Variants in COL4A2 observed in about 807,000 individuals in gnomAD.
COL4A2 encodes collagen type IV alpha 2 chain.
COL4A2 carries 99 observed loss-of-function variants against 200.2 expected under a neutral mutation model. That is an observed-to-expected ratio of 0.49 (90% CI 0.42 to 0.58). The LOEUF (loss-of-function observed/expected upper bound fraction) is 0.58. Among genes scored for constraint, COL4A2 ranks in the 20% least tolerant of loss-of-function variants. The pLI is 0.00. For missense variants in COL4A2, 1,950 were observed against 2,314.1 expected (o/e 0.84, Z 3.23); for synonymous variants, 897 against 900.6 (o/e 1.00, Z 0.07).
chr13:110,423,308 A>T (rs1174607717), intron 4 of COL4A2, among the ~76,000 whole-genome samples: 1 of 152,112 alleles, frequency 6.6e-6, no homozygotes, highest in East Asian at 1.9e-4. Context: ...ATTTATTTTT[A>T]ATTTTTTTAA....
At chr13:110,395,681 A>G (rs917578005) in intron 4 of COL4A2, among the ~76,000 whole-genome samples, 2 of 152,250 alleles carry the variant, frequency 1.3e-5, no homozygotes, top group African/African-American at 4.8e-5. Context: ...GCAGTGGCTC[A>G]TGCCTGTAAT....
intron 47 of COL4A2, among the ~76,000 whole-genome samples, chr13:110,509,740 G>A (rs1467148701): frequency 2.8e-4 from 42 of 152,098 alleles, no homozygotes; most frequent in Non-Finnish European, 7.3e-5. Flanking sequence ...CTCTGCACAC[G>A]TAACTCTCTG....
intron 7 of COL4A2, 134 bp from the exon 8 acceptor site, chr13:110,429,751 C>A: frequency 1.3e-6 from 1 of 757,464 alleles, no homozygotes. Context: ...TCAGAATAAC[C>A]CCCATCAGCC....
At chr13:110,324,605 A>T (rs1885358530) in intron 3 of COL4A2, among the ~76,000 whole-genome samples, 1 of 152,214 alleles carries the variant, frequency 6.6e-6, no homozygotes, top group African/African-American at 2.4e-5. Flanking sequence ...GATTTGGATC[A>T]GGCAGGTCTG....
chr13:110,408,667 CAGAG>C (rs1247479797), intron 4 of COL4A2, among the ~76,000 whole-genome samples: 2 of 152,174 alleles, frequency 1.3e-5, no homozygotes, highest in Admixed American at 6.5e-5. Context: ...GGCGTGGACA[CAGAG>C]AGAAAGCGCC....
At chr13:110,505,118 A>AAGCG (rs1883800029) in intron 45 of COL4A2, among the ~76,000 whole-genome samples, 1 of 151,772 alleles carries the variant, frequency 6.6e-6, no homozygotes, top group Non-Finnish European at 1.5e-5. Context: ...TGGGAGGCTG[A>AAGCG]GGTGGGCGGA....
intron 13 of COL4A2, 149 bp from the exon 14 acceptor site, chr13:110,437,853 A>C (rs2139466034): frequency 2.9e-6 from 2 of 698,300 alleles, no homozygotes; most frequent in East Asian, 5.3e-5. Context: ...GAAGCTGCAA[A>C]ATTTAAGAGT....
chr13:110,379,467 G>A (rs1169893357), intron 4 of COL4A2, among the ~76,000 whole-genome samples: 1 of 152,222 alleles, frequency 6.6e-6, no homozygotes, highest in East Asian at 1.9e-4. Context: ...AGTTCCTACT[G>A]TGTGTCAGGC....
intron 4 of COL4A2, among the ~76,000 whole-genome samples, chr13:110,423,502 G>A (rs72657919): frequency 0.083 from 12,700 of 152,150 alleles, 608 homozygotes; most frequent in African/African-American, 0.14. Flanking sequence ...TAACACCTAG[G>A]TGATGGGTTG....
intron 25 of COL4A2, 122 bp from the exon 26 acceptor site, chr13:110,465,881 G>A: frequency 8.0e-7 from 1 of 1,246,304 alleles, no homozygotes; most frequent in Non-Finnish European, 1.1e-6. Flanking sequence ...CCATTTCAAA[G>A]CCTTCCTGCC....
intron 39 of COL4A2, among the ~76,000 whole-genome samples, chr13:110,493,546 T>C (rs1208686329): frequency 3.9e-5 from 6 of 152,056 alleles, no homozygotes; most frequent in Non-Finnish European, 5.9e-5. Context: ...GAGAGAGAAA[T>C]AGAGTCCTTG....
Position 110,508,264 on chromosome 13 carries a change from C to T in COL4A2, c.4881+43C>T. The T allele has an allele frequency of 1.9e-6, 3 of 1,599,808 alleles. No individual in the cohort carries two copies. The highest frequency in any genetic ancestry group is 2.6e-6 in the Non-Finnish European group (3 of 1,170,444). ...AGTTCCCCTCCCCAACCACACCCTG[C>T]TGGGGACACAGCAAGAACAGCTGCC... On this transcript the variant is annotated intron_variant, in intron 47 of 47. Coordinates refer to ENST00000360467, the MANE Select transcript of COL4A2 (RefSeq NM_001846.4). This position sits in a 1 kb window ranked among gnomAD's most constrained non-coding sequence, Gnocchi z 6.1.
At chr13:110,451,760 C>G (rs1332322657) in intron 20 of COL4A2, among the ~76,000 whole-genome samples, 3 of 152,220 alleles carry the variant, frequency 2.0e-5, no homozygotes, top group African/African-American at 7.2e-5. Flanking sequence ...AACCGTATCA[C>G]CAGCTAACAT....
At chr13:110,346,997 C>T (rs1429007431) in intron 3 of COL4A2, among the ~76,000 whole-genome samples, 2 of 152,222 alleles carry the variant, frequency 1.3e-5, no homozygotes. Flanking sequence ...CTCCGCATGC[C>T]GGGCCCGTGT....
chr13:110,328,376 T>A (rs535301234), intron 3 of COL4A2: 1 of 152,330 alleles, frequency 6.6e-6, no homozygotes, highest in South Asian at 2.1e-4. Context: ...TTAGGAATAT[T>A]TTCCACTCTG....
chr13:110,462,113 G>A lies in COL4A2; in HGVS notation c.1597-1G>A, dbSNP rs745376502. 4 of 1,614,134 alleles carry A rather than the reference G, an allele frequency of 2.5e-6. No homozygotes were observed. Among genetic ancestry groups the A allele is most frequent in the South Asian group, 1.1e-5 (1 of 91,094 alleles). On this transcript the variant is annotated splice_acceptor_variant, in intron 22 of 47. Coordinates refer to ENST00000360467, the MANE Select transcript of COL4A2 (RefSeq NM_001846.4). LOFTEE classifies it high-confidence loss of function. ...GATATTTTTTTGTCTGTTTTCCACA[G>A]GGAGTGCCTGGCAACATTGGTGCTC...
At position 110,512,282 on chromosome 13, in the gene COL4A2, A is replaced by T. The variant is rs550687295; in HGVS notation, c.*91A>T. ...CAAAAATTGGTTTTATTTTTTTCTT[A>T]AAAAAAAAAAAGTCTACCAAAGGAA... On this transcript the variant is annotated 3_prime_UTR_variant, in exon 48 of 48. Transcript: ENST00000360467. The T allele has an allele frequency of 1.6e-4, 16 of 99,044 alleles. No individual in the cohort carries two copies. Among genetic ancestry groups the T allele is most frequent in the East Asian group, 1.6e-3 (10 of 6,322 alleles). The allele number at this position is 99,044 out of a possible 1,614,324, so 6.1% of individuals were successfully genotyped here.
Position 110,386,246 on chromosome 13 carries a change from T to C in COL4A2, c.180+28694T>C, listed in dbSNP as rs138903761. On this transcript the variant is annotated intron_variant, in intron 4 of 47. Transcript: ENST00000360467. ...GTGTAGAGTGTTGAGAAACGCTAAG[T>C]AGCTTTCAGCCTCCCTGACTGCACC... Among the ~76,000 whole-genome samples, 76 of 152,308 alleles carry C rather than the reference T, an allele frequency of 5.0e-4. 1 individual carries two copies. Among genetic ancestry groups the C allele is most frequent in the Non-Finnish European group, 9.3e-4 (63 of 68,022 alleles).
At chr13:110,371,819 C>T (rs1446182409) in intron 4 of COL4A2, among the ~76,000 whole-genome samples, 1 of 152,160 alleles carries the variant, frequency 6.6e-6, no homozygotes, top group African/African-American at 2.4e-5. Flanking sequence ...TGGGGTCTGA[C>T]GTTGGCCGTG....
Sources: gnomAD v4.1 joint callset for allele counts (sites outside exome capture counted in the v4.1 genomes callset) on GRCh38, gnomAD v4.1.1 for gene constraint, Gnocchi (gnomAD v3.1) non-coding constraint, MANE v1.5 for transcripts, NCBI Gene and HGNC (gene_info 2026-07-23, HGNC 2026-07-21) for gene names.